CFAP61: variants seen among roughly 807,000 people sequenced by gnomAD.
The protein encoded by CFAP61 is cilia and flagella associated protein 61, also known as cilia- and flagella-associated protein 61.
CFAP61 carries 107 observed loss-of-function variants against 135.6 expected under a neutral mutation model. That is an observed-to-expected ratio of 0.79 (90% confidence interval 0.67 to 0.93). The LOEUF (loss-of-function observed/expected upper bound fraction) is 0.93. Among genes scored for constraint, CFAP61 ranks in the 40% least tolerant of loss-of-function variants. The pLI, the probability that CFAP61 is intolerant of heterozygous loss-of-function variation, is 0.00. For synonymous variants in CFAP61, 575 were observed against 578.5 expected, an observed-to-expected ratio of 0.99 and a Z score of 0.09; for missense variants, 1,507 against 1,556.2, an observed-to-expected ratio of 0.97 and a Z score of 0.53.
At chr20:20,339,000 G>A (rs756189234) in intron 25 of CFAP61, among the ~76,000 whole-genome samples, 12 of 152,230 alleles carry the variant, frequency 7.9e-5, no homozygotes, top group Non-Finnish European at 1.3e-4. Flanking sequence ...TTGGCAGCAT[G>A]AACAGAGACA....
chr20:20,351,536 C>A (rs2058836447), intron 26 of CFAP61, among the ~76,000 whole-genome samples: 1 of 147,338 alleles, frequency 6.8e-6, no homozygotes, highest in African/African-American at 2.5e-5. Context: ...GAGCCGAGAT[C>A]ATGCCACTGT....
chr20:20,085,583 C>T, intron 6 of CFAP61: 3 of 1,252,204 alleles, frequency 2.4e-6, no homozygotes, highest in Non-Finnish European at 3.3e-6. Context: ...GGTTCATGAG[C>T]AGGCCTAGGG....
chr20:20,357,989 T>C (rs866023311), intron 26 of CFAP61, among the ~76,000 whole-genome samples: 680 of 58,574 alleles, frequency 0.012, 15 homozygotes, highest in Middle Eastern at 0.06. Context: ...GAGGTGGTCA[T>C]AGTGTGAGGG....
chr20:20,341,501 A>G (rs138339961), intron 25 of CFAP61, among the ~76,000 whole-genome samples: 19 of 152,214 alleles, frequency 1.2e-4, no homozygotes, highest in African/African-American at 2.2e-4. Flanking sequence ...TTAATCTTGC[A>G]ATCTGTTTTT....
chr20:20,054,410 T>TACACAC (rs1246613690), intron 1 of CFAP61, among the ~76,000 whole-genome samples: 1 of 132,644 alleles, frequency 7.5e-6, no homozygotes, highest in East Asian at 2.4e-4. Flanking sequence ...TATATATATA[T>TACACAC]ATATACACAC....
chr20:20,309,325 C>T (rs777976366), intron 25 of CFAP61, among the ~76,000 whole-genome samples: 1 of 152,180 alleles, frequency 6.6e-6, no homozygotes, highest in Non-Finnish European at 1.5e-5. Flanking sequence ...CCTAATCCCA[C>T]CACCCAGAAC....
chr20:20,211,730 T>G (rs1359415740), intron 17 of CFAP61, among the ~76,000 whole-genome samples: 1 of 152,236 alleles, frequency 6.6e-6, no homozygotes, highest in Non-Finnish European at 1.5e-5. Context: ...TTGTTTTATT[T>G]TTTCATATAA....
chr20:20,076,249 C>T (rs1176789406), intron 6 of CFAP61, among the ~76,000 whole-genome samples: 1 of 152,188 alleles, frequency 6.6e-6, no homozygotes, highest in Non-Finnish European at 1.5e-5. Flanking sequence ...TGCTCTGGGA[C>T]TTGTGAGGCT....
At chr20:20,208,603 T>C (rs1019387297) in intron 17 of CFAP61, among the ~76,000 whole-genome samples, 3 of 152,200 alleles carry the variant, frequency 2.0e-5, no homozygotes, top group African/African-American at 7.2e-5. Flanking sequence ...CTTCTTATTA[T>C]TGAGTTGAAT....
At chr20:20,277,062 G>A (rs17310719) in intron 21 of CFAP61, 104 bp from the exon 22 acceptor site, 55,855 of 908,548 alleles carry the variant, frequency 0.061, 1,938 homozygotes, top group Admixed American at 0.078. Context: ...TCCTGCAGCT[G>A]AAAAATGAGA....
chr20:20,327,236 T>C (rs1347342243), intron 25 of CFAP61, among the ~76,000 whole-genome samples: 4 of 152,192 alleles, frequency 2.6e-5, no homozygotes, highest in Non-Finnish European at 5.9e-5. Context: ...TACTTCTACT[T>C]TCTATTTATT....
chr20:20,132,013 A>G (rs2050569012), intron 8 of CFAP61, among the ~76,000 whole-genome samples: 2 of 152,118 alleles, frequency 1.3e-5, no homozygotes, highest in Non-Finnish European at 2.9e-5. Context: ...GTTGTACAGC[A>G]GATCTCTAGA....
At position 20,142,961 on chromosome 20, in the gene CFAP61, A is replaced by G. The variant is rs2051534723; in HGVS notation, c.951+13A>G. ...GGAAAACATCCAGGTGAGAGAGACT[A>G]TCCCTCCATGCCTAGGGTGGGGGGA... On this transcript the variant is annotated intron_variant, in intron 9 of 26. Coordinates refer to ENST00000245957, the MANE Select transcript of CFAP61 (RefSeq NM_015585.4). The G allele has an allele frequency of 2.6e-6, 4 of 1,520,078 alleles. No individual in the cohort carries two copies. The highest frequency in any genetic ancestry group is 3.6e-6 in the Non-Finnish European group (4 of 1,108,910). The allele number at this position is 1,520,078 out of a possible 1,614,324, so 94.2% of individuals were successfully genotyped here.
At chr20:20,300,151 T>C (rs1451016330) in intron 25 of CFAP61, among the ~76,000 whole-genome samples, 2 of 152,204 alleles carry the variant, frequency 1.3e-5, no homozygotes, top group East Asian at 3.8e-4. Context: ...TGCTGCCCAG[T>C]TGGTATAAAA....
rs2059405171 is a variant in CFAP61 at position 20,359,693 on chromosome 20, A to ACAACC, written c.3514-517_3514-516insCAACC. Among the ~76,000 whole-genome samples, 2 of 151,954 alleles carry ACAACC rather than the reference A, an allele frequency of 1.3e-5. No homozygotes were observed. The highest frequency in any genetic ancestry group is 2.9e-5 in the Non-Finnish European group (2 of 67,980). On this transcript the variant is annotated intron_variant, in intron 26 of 26. Coordinates refer to ENST00000245957, the MANE Select transcript of CFAP61 (RefSeq NM_015585.4). This position sits in a 1 kb window ranked among gnomAD's most constrained non-coding sequence, Gnocchi z 4.0. The stretch of plus-strand genomic sequence containing the variant: ...AAGCAAAAAACAAAACAACAACAAC[A>ACAACC]ACAAAACAAGTATGATCTACAGATG...
At chr20:20,207,084 G>T (rs1219772265) in intron 17 of CFAP61, among the ~76,000 whole-genome samples, 1 of 152,170 alleles carries the variant, frequency 6.6e-6, no homozygotes, top group Non-Finnish European at 1.5e-5. Context: ...TGAAAGCAGA[G>T]ATTTTTCTAA....
chr20:20,302,305 T>A (rs2056157583), intron 25 of CFAP61, among the ~76,000 whole-genome samples: 1 of 152,236 alleles, frequency 6.6e-6, no homozygotes, highest in Non-Finnish European at 1.5e-5. Context: ...CTTTGTTTCT[T>A]CTTTTCCAAC....
intron 18 of CFAP61, among the ~76,000 whole-genome samples, chr20:20,245,266 GATAAAC>G (rs952973219): frequency 2.8e-4 from 43 of 152,276 alleles, no homozygotes; most frequent in African/African-American, 1.0e-3. Flanking sequence ...TCATGCTGCT[GATAAAC>G]ATAAGCATAC....
chr20:20,300,981 A>G (rs983467389), intron 25 of CFAP61, among the ~76,000 whole-genome samples: 3 of 152,188 alleles, frequency 2.0e-5, no homozygotes, highest in Non-Finnish European at 4.4e-5. Context: ...ATTATAAAGT[A>G]AAAAGAGTAA....
Sources: gnomAD v4.1 joint callset for allele counts (sites outside exome capture counted in the v4.1 genomes callset) on GRCh38, gnomAD v4.1.1 for gene constraint, Gnocchi (gnomAD v3.1) non-coding constraint, MANE v1.5 for transcripts, NCBI Gene and HGNC (gene_info 2026-07-23, HGNC 2026-07-21) for gene names.